The following SMG1 variants were observed in gnomAD, a reference collection of about 807,000 sequenced individuals.
The protein encoded by SMG1 is serine/threonine-protein kinase SMG1.
In SMG1, 22 loss-of-function variants were observed where a neutral mutation model predicts 419.9. That is an observed-to-expected ratio of 0.05 (90% confidence interval 0.04 to 0.07). SMG1 has a LOEUF of 0.07. Among genes scored for constraint, SMG1 ranks in the 10% least tolerant of loss-of-function variants. SMG1 has a pLI of 1.00. For synonymous variants in SMG1, 1,538 were observed against 1,553.5 expected (o/e 0.99, Z 0.23); for missense variants, 3,185 against 4,342.0 (o/e 0.73, Z 7.49).
rs137863609 is a variant in SMG1 at position 18,863,720 on chromosome 16, C to T, written c.3625G>A (p.Ala1209Thr). The T allele has an allele frequency of 3.8e-6, 6 of 1,589,676 alleles. No homozygotes were observed. In the African/African-American group the frequency reaches 6.7e-5, roughly 18 times the overall value. ...DWAAVQEWQNAIHDLKKSTSS... is the reference protein window; with the variant it reads ...DWAAVQEWQNTIHDLKKSTSS... ...GTACTCTTTTTCAAGTCATGGATAGCGTTCTGCCATTCCTGCACAGCAGCC... is the reference window on the plus strand; with the variant it reads ...GTACTCTTTTTCAAGTCATGGATAGTGTTCTGCCATTCCTGCACAGCAGCC... Residue 1209 changes from alanine to threonine, a missense_variant, in exon 25 of 63, where the codon GCT becomes ACT. Transcript: ENST00000446231.
rs1396569205 is a variant in SMG1 at position 18,895,373 on chromosome 16, G to A, written c.412+679C>T. Among the ~76,000 whole-genome samples, 4 of 152,038 alleles carry A rather than the reference G, an allele frequency of 2.6e-5. No individual in the cohort carries two copies. The East Asian group carries it at 7.7e-4, about 29-fold the overall frequency. On this transcript the variant is annotated intron_variant, in intron 3 of 62. Transcript: ENST00000446231. ...ATGCACCTGTAACCCCAGCTACTTG[G>A]GAGGCTGAGGCACGAGAATCACTTG...
At position 18,839,831 on chromosome 16, in the gene SMG1, G is replaced by A. The variant is rs1328152006; in HGVS notation, c.6812C>T (p.Ser2271Phe). Residue 2271 changes from serine (S) to phenylalanine (F), a missense_variant, in exon 42 of 63, where the codon TCC becomes TTC. Coordinates refer to ENST00000446231, the MANE Select transcript of SMG1 (RefSeq NM_015092.5). ...LKTVGLSLDV[S>F]RRDWPLHVMK... is the part of the protein sequence containing the mutation. ...TACATGAAGAGGCCAATCCCGACGG[G>A]ACACATCCAGGCTAAGCCCAACTGT... 10 of 1,613,786 alleles carry A rather than the reference G, an allele frequency of 6.2e-6. No homozygotes were observed. Among genetic ancestry groups the A allele is most frequent in the Non-Finnish European group, 6.8e-6 (8 of 1,179,876 alleles).
At chr16:18,812,971 C>T (rs1346828371) in intron 60 of SMG1, among the ~76,000 whole-genome samples, 1 of 152,092 alleles carries the variant, frequency 6.6e-6, no homozygotes, top group Non-Finnish European at 1.5e-5. Flanking sequence ...TTTCCAGCTT[C>T]ATCCATGTCC....
chr16:18,815,043 A>C lies in SMG1; in HGVS notation c.10621+132T>G, dbSNP rs1210817202. On this transcript the variant is annotated intron_variant, in intron 60 of 62. Transcript: ENST00000446231. ...TACGAGTATTTTTAAGGATAAGCTA[A>C]AATCTGTTCAGTTTAAGATTATAGA... 32 of 653,472 alleles carry C rather than the reference A, an allele frequency of 4.9e-5. No homozygotes were observed. In the Admixed American group the frequency reaches 9.4e-4, roughly 19 times the overall value. 40.5% of individuals were successfully genotyped at this position (653,472 alleles called of 1,614,324 possible).
At position 18,839,952 on chromosome 16, in the gene SMG1, G is replaced by A. The variant is rs2033817993; in HGVS notation, c.6697-6C>T. On this transcript the variant is annotated splice_region_variant and splice_polypyrimidine_tract_variant and intron_variant, in intron 41 of 62. Transcript: ENST00000446231. ...GTTTGGTAGGAATCTTGGGCCTTAA[G>A]AAAAAACAATTTTTTTAAAAAAGAA... The A allele has an allele frequency of 1.3e-6, 2 of 1,526,528 alleles. No individual in the cohort carries two copies. Among genetic ancestry groups the A allele is most frequent in the Non-Finnish European group, 8.8e-7 (1 of 1,135,640 alleles). The allele number at this position is 1,526,528 out of a possible 1,614,324, so 94.6% of individuals were successfully genotyped here. A position where few individuals can be genotyped will look rare whatever the true frequency, so the allele number is the denominator to read the frequency against.
rs144053711 is a variant in SMG1, at chr16:18,894,802, T to A, written c.412+1250A>T. On this transcript the variant is annotated intron_variant, in intron 3 of 62. Coordinates refer to ENST00000446231, the MANE Select transcript of SMG1 (RefSeq NM_015092.5). ...GGAAAAAAATTATCATTACCTCCAATCCTCTGAACTTTCTTTTTTGTTGTT... is the reference window on the plus strand; with the variant it reads ...GGAAAAAAATTATCATTACCTCCAAACCTCTGAACTTTCTTTTTTGTTGTT... Among the ~76,000 whole-genome samples the A allele has an allele frequency of 5.6e-3, 851 of 151,916 alleles. 5 individuals carry two copies. The highest frequency in any genetic ancestry group is 0.019 in the African/African-American group (778 of 41,442).
Position 18,871,402 on chromosome 16 carries a change from G to A in SMG1, c.2264C>T (p.Pro755Leu), listed in dbSNP as rs371261205. The change falls in exon 16 of 63, where the codon CCG becomes CTG. Residue 755 changes from proline (P) to leucine (L), a missense_variant. Pro to Leu is a moderately conservative substitution (Grantham distance 98, BLOSUM62 -3). Around this residue, in one of 27 missense-constraint regions of SMG1, gnomAD observed 297 missense variants for 491.0 expected, o/e 0.60. Coordinates refer to ENST00000446231, the MANE Select transcript of SMG1 (RefSeq NM_015092.5). ...GCCTTTGCAAAATTTATGGAAAGAC[G>A]GAAGAGAGAATAAAGGTGCGTATGT... ...SETYAPLFSL[P>L]SFHKFCKGLL... 1.1e-4 allele frequency: 170 copies of A among 1,595,584 alleles called. 2 individuals are homozygous for A. In the South Asian group the frequency reaches 1.5e-3, roughly 14 times the overall value.
At chr16:18,921,601 C>T (rs1446683962) in intron 1 of SMG1, among the ~76,000 whole-genome samples, 2 of 151,838 alleles carry the variant, frequency 1.3e-5, no homozygotes, top group Admixed American at 1.3e-4. Context: ...TTGCCAAAAC[C>T]GCAATTACTT....
At chr16:18,831,702 G>A (rs980406408) in intron 51 of SMG1, among the ~76,000 whole-genome samples, 2 of 142,258 alleles carry the variant, frequency 1.4e-5, no homozygotes, top group African/African-American at 2.6e-5. Context: ...GCTGCAGCGA[G>A]CCGAGATCGC....
At chr16:18,892,494 C>T (rs1041066494) in intron 3 of SMG1, 140 bp from the exon 4 acceptor site, 140 of 624,312 alleles carry the variant, frequency 2.2e-4, no homozygotes, top group Admixed American at 1.2e-4. Context: ...CTTTGGAAGG[C>T]GGGTAGATCA....
chr16:18,847,612 A>G lies in SMG1; in HGVS notation c.5842-5T>C. 4 of 1,614,024 alleles carry G rather than the reference A, an allele frequency of 2.5e-6. No homozygotes were observed. Among genetic ancestry groups the G allele is most frequent in the Non-Finnish European group, 3.4e-6 (4 of 1,179,898 alleles). On this transcript the variant is annotated splice_polypyrimidine_tract_variant and splice_region_variant and intron_variant, in intron 37 of 62. Coordinates refer to ENST00000446231, the MANE Select transcript of SMG1 (RefSeq NM_015092.5). The stretch of plus-strand genomic sequence containing the variant: ...TTCAGCCACGAGCATCTGAACCTGC[A>G]TACACAGCACACCCAAATAGCTCAT...
chr16:18,835,485 A>T (rs1567338889), intron 48 of SMG1, among the ~76,000 whole-genome samples: 1 of 152,126 alleles, frequency 6.6e-6, no homozygotes, highest in Non-Finnish European at 1.5e-5. Context: ...ACAAAAAAAT[A>T]TAAAAATTGT....
rs760844300 is a variant in SMG1, at chr16:18,839,876, T to C, written c.6767A>G (p.Lys2256Arg). 1.2e-6 allele frequency: 2 copies of C among 1,612,580 alleles called. No individual in the cohort carries two copies. The highest frequency in any genetic ancestry group is 3.3e-5 in the Admixed American group (2 of 59,738). ...AACTGTTTTCAAAGCAGGGCCAATT[T>C]TACTGTAATAAAGTTCACTAGGACG... The part of the protein sequence containing the change: ...VPRPSELYYS[K>R]IGPALKTVGL... The change falls in exon 42 of 63, where the codon AAA (lysine) becomes AGA (arginine). Residue 2256 changes from lysine (K) to arginine (R), a missense_variant. This residue lies in a region of SMG1 where 132 missense variants were observed against 151.0 expected (regional missense o/e 0.87). Coordinates refer to ENST00000446231, the MANE Select transcript of SMG1 (RefSeq NM_015092.5).
chr16:18,882,117 A>C (rs997237567), intron 10 of SMG1, 48 bp downstream of exon 10: 3 of 1,386,734 alleles, frequency 2.2e-6, no homozygotes, highest in African/African-American at 1.4e-5. Flanking sequence ...TTACAGTGTA[A>C]AACAATTTTA....
intron 13 of SMG1, among the ~76,000 whole-genome samples, chr16:18,873,995 T>C (rs1319232396): frequency 6.6e-6 from 1 of 152,232 alleles, no homozygotes; most frequent in African/African-American, 2.4e-5. Context: ...ACATAAGCTG[T>C]AACTGGTAAT....
intron 41 of SMG1, among the ~76,000 whole-genome samples, chr16:18,840,754 C>T (rs1444417809): frequency 6.6e-6 from 1 of 152,108 alleles, no homozygotes; most frequent in Non-Finnish European, 1.5e-5. Context: ...CGATTATTTA[C>T]AAATTTAATT....
chr16:18,900,163 G>C (rs2037289992), intron 1 of SMG1: 1 of 558,820 alleles, frequency 1.8e-6, no homozygotes. Flanking sequence ...GTCCCATTAG[G>C]GTTCATACAT....
intron 7 of SMG1, 73 bp downstream of exon 7, chr16:18,885,464 CATCT>C: frequency 6.5e-7 from 1 of 1,547,396 alleles, no homozygotes; most frequent in Non-Finnish European, 8.8e-7. Flanking sequence ...CATTGTTTTC[CATCT>C]GTTTCCTCAG....
chr16:18,811,211 C>G (rs897364851), intron 62 of SMG1, among the ~76,000 whole-genome samples: 1 of 152,156 alleles, frequency 6.6e-6, no homozygotes, highest in Non-Finnish European at 1.5e-5. Context: ...AGTCTACACA[C>G]AGAATCCACT....
Sources: allele counts gnomAD v4.1 joint callset (sites outside exome capture counted in the v4.1 genomes callset), GRCh38; gene constraint gnomAD v4.1.1; regional missense constraint gnomAD v4.1.1; transcripts MANE v1.5; gene names NCBI Gene and HGNC (gene_info 2026-07-23, HGNC 2026-07-21).